The following SNTG2 variants were observed in gnomAD, a reference collection of about 807,000 sequenced individuals.
SNTG2 encodes syntrophin gamma 2.
SNTG2 carries 74 observed loss-of-function variants against 70.9 expected under a neutral mutation model. That is an observed-to-expected ratio of 1.04 (90% CI 0.86 to 1.27). The LOEUF (loss-of-function observed/expected upper bound fraction) is 1.27, where lower values mean the gene tolerates loss of function less well. Among genes scored for constraint, SNTG2 ranks in the 50% most tolerant of loss-of-function variants. SNTG2 has a pLI of 0.00. For missense variants in SNTG2, 717 were observed against 690.7 expected (o/e 1.04, Z -0.43); for synonymous variants, 278 against 273.8 (o/e 1.02, Z -0.15).
At position 970,571 on chromosome 2, in the gene SNTG2, A is replaced by G. The variant is rs528073708; in HGVS notation, c.72+19503A>G. Among the ~76,000 whole-genome samples, 9 of 143,612 alleles carry G rather than the reference A, an allele frequency of 6.3e-5. No individual in the cohort carries two copies. The South Asian group carries it at 1.6e-3, about 26-fold the overall frequency. The allele number at this position is 143,612 out of a possible 152,430, so 94.2% of individuals were successfully genotyped here. On this transcript the variant is annotated intron_variant, in intron 1 of 16. Transcript: ENST00000308624. ...ACTGAGAATGATGATTTCCAATTTC[A>G]TCCATGTCCCTACAAAGGACATGAA...
chr2:1,152,515 CAT>C (rs1370738941), intron 6 of SNTG2, among the ~76,000 whole-genome samples: 6 of 152,042 alleles, frequency 3.9e-5, no homozygotes, highest in Non-Finnish European at 7.4e-5. Context: ...TGTGTGTGTA[CAT>C]GTGTGTGCAT....
At chr2:1,355,059 G>C (rs991295357) in intron 16 of SNTG2, among the ~76,000 whole-genome samples, 4 of 152,202 alleles carry the variant, frequency 2.6e-5, no homozygotes, top group Admixed American at 1.3e-4. Flanking sequence ...AAAATAACAT[G>C]AGCAGGGCCC....
chr2:1,001,557 A>G (rs375013416), intron 1 of SNTG2, among the ~76,000 whole-genome samples: 2 of 152,058 alleles, frequency 1.3e-5, no homozygotes, highest in East Asian at 3.8e-4. Context: ...ATATTTAACC[A>G]AGGAGGTAAA....
intron 12 of SNTG2, among the ~76,000 whole-genome samples, chr2:1,254,161 A>C (rs1167068528): frequency 2.0e-5 from 3 of 152,196 alleles, no homozygotes; most frequent in Non-Finnish European, 2.9e-5. Context: ...GAAGAATGGA[A>C]AGGAGGAATT....
chr2:1,238,928 C>G (rs1484362935), intron 10 of SNTG2, among the ~76,000 whole-genome samples: 1 of 152,184 alleles, frequency 6.6e-6, no homozygotes, highest in Admixed American at 6.5e-5. Flanking sequence ...CTTCCTGTGG[C>G]TGCAAAACAG....
chr2:1,302,129 T>C (rs1005324834), intron 14 of SNTG2, among the ~76,000 whole-genome samples: 2 of 152,060 alleles, frequency 1.3e-5, no homozygotes, highest in African/African-American at 4.8e-5. Flanking sequence ...ACCTGGCTAA[T>C]TTTTTGTATT....
chr2:1,303,728 A>C (rs1443822224), intron 14 of SNTG2, among the ~76,000 whole-genome samples: 1 of 152,196 alleles, frequency 6.6e-6, no homozygotes, highest in African/African-American at 2.4e-5. Context: ...CTCACAAAAA[A>C]AAGAGGAGAA....
At chr2:1,258,537 C>CA (rs61710693) in intron 12 of SNTG2, among the ~76,000 whole-genome samples, 31,685 of 151,998 alleles carry the variant, frequency 0.21, 4,494 homozygotes, top group African/African-American at 0.4. Flanking sequence ...TTGTTTGCTG[C>CA]AAGGATTACC....
chr2:1,082,067 C>G (rs1217091772), intron 1 of SNTG2, among the ~76,000 whole-genome samples: 1 of 152,108 alleles, frequency 6.6e-6, no homozygotes, highest in African/African-American at 2.4e-5. Flanking sequence ...GCGTGGGGAT[C>G]AGCTGAGGAT....
intron 13 of SNTG2, among the ~76,000 whole-genome samples, chr2:1,259,986 C>T (rs913990990): frequency 1.3e-5 from 2 of 152,182 alleles, no homozygotes; most frequent in Admixed American, 6.5e-5. Flanking sequence ...CACAGCAAGG[C>T]GACGATGCGC....
rs529983402 is a variant in SNTG2 at position 1,145,291 on chromosome 2, A to G, written c.411+7482A>G. Among the ~76,000 whole-genome samples the G allele has an allele frequency of 2.2e-3, 330 of 152,264 alleles. 12 individuals are homozygous for G. In the East Asian group the frequency reaches 0.053, roughly 25 times the overall value. On this transcript the variant is annotated intron_variant, in intron 6 of 16. Coordinates refer to ENST00000308624, the MANE Select transcript of SNTG2 (RefSeq NM_018968.4). ...TGAAGACAGGAAATCAAGATAGGAAAAAAAAAGCTGTTTCTTTGTAAATAT... is the reference window on the plus strand; with the variant it reads ...TGAAGACAGGAAATCAAGATAGGAAGAAAAAAGCTGTTTCTTTGTAAATAT...
At chr2:1,275,534 A>T (rs528798428) in intron 14 of SNTG2, among the ~76,000 whole-genome samples, 1 of 152,306 alleles carries the variant, frequency 6.6e-6, no homozygotes, top group South Asian at 2.1e-4. Context: ...TTGCTCATAT[A>T]ACATGACAAA....
At chr2:1,299,491 T>C (rs1006348732) in intron 14 of SNTG2, among the ~76,000 whole-genome samples, 7 of 152,122 alleles carry the variant, frequency 4.6e-5, no homozygotes, top group Admixed American at 2.6e-4. Flanking sequence ...CACACCTGGC[T>C]CTCCTCCCTG....
intron 13 of SNTG2, among the ~76,000 whole-genome samples, chr2:1,263,925 A>G (rs531527437): frequency 1.2e-4 from 18 of 152,364 alleles, no homozygotes; most frequent in Non-Finnish European, 2.4e-4. Context: ...TTCTTCTATT[A>G]TAATACACAG....
intron 11 of SNTG2, 73 bp downstream of exon 11, chr2:1,239,849 C>T: frequency 6.5e-7 from 1 of 1,536,910 alleles, no homozygotes; most frequent in South Asian, 1.2e-5. Context: ...CATGATGTAA[C>T]ACATCTCGAA....
intron 8 of SNTG2, among the ~76,000 whole-genome samples, chr2:1,202,141 G>T (rs1289387187): frequency 6.6e-6 from 1 of 152,012 alleles, no homozygotes; most frequent in Non-Finnish European, 1.5e-5. Context: ...ACTATGAATG[G>T]CAAATAGGTG....
At chr2:1,049,471 G>C (rs918048045) in intron 1 of SNTG2, among the ~76,000 whole-genome samples, 6 of 152,148 alleles carry the variant, frequency 3.9e-5, no homozygotes, top group Admixed American at 3.9e-4. Flanking sequence ...CTTTCTTTGT[G>C]TCTTTATGTG....
Position 1,097,492 on chromosome 2 carries a change from C to G in SNTG2, c.211-704C>G, listed in dbSNP as rs1665472062. ...ACCCCAGGCTGCCTCTGTGCGCCCC[C>G]TCAGAGCAGCACCAGTCACTCATGT... On this transcript the variant is annotated intron_variant, in intron 2 of 16. Coordinates refer to ENST00000308624, the MANE Select transcript of SNTG2 (RefSeq NM_018968.4). The surrounding 1 kb of genome is among the most constrained non-coding windows in gnomAD (Gnocchi z 4.1). 1.3e-5 allele frequency among the ~76,000 whole-genome samples: 2 copies of G among 152,196 alleles called. No homozygotes were observed. Among genetic ancestry groups the G allele is most frequent in the African/African-American group, 4.8e-5 (2 of 41,440 alleles).
chr2:996,309 C>T (rs1252933824), intron 1 of SNTG2, among the ~76,000 whole-genome samples: 1 of 152,172 alleles, frequency 6.6e-6, no homozygotes, highest in African/African-American at 2.4e-5. Context: ...CAGAAATCAG[C>T]TCAGAAGTGA....
Sources: allele counts gnomAD v4.1 joint callset (sites outside exome capture counted in the v4.1 genomes callset), GRCh38; gene constraint gnomAD v4.1.1; non-coding constraint Gnocchi (gnomAD v3.1); transcripts MANE v1.5; gene names NCBI Gene and HGNC (gene_info 2026-07-23, HGNC 2026-07-21).